CADM1: variants seen among roughly 807,000 people sequenced by gnomAD.
The protein encoded by CADM1 is TSLC-1.
A neutral mutation model predicts 53.1 loss-of-function variants in CADM1; 15 were observed. That is an observed-to-expected ratio of 0.28 (90% CI 0.19 to 0.44). CADM1 has a LOEUF of 0.44. CADM1 is among the 20% of genes least tolerant of loss of function. The probability of loss-of-function intolerance (pLI) is 1.00; values close to 1 mark genes in which losing one functional copy is unlikely to be tolerated. For missense variants in CADM1, 434 were observed against 611.3 expected, an observed-to-expected ratio of 0.71 and a Z score of 3.06; for synonymous variants, 281 against 243.0, an observed-to-expected ratio of 1.16 and a Z score of -1.45.
In CADM1 at chr11:115,218,046, A is replaced by C. The variant is rs1941261126; in HGVS notation, c.722-55T>G. 27 of 1,293,652 alleles carry C rather than the reference A, an allele frequency of 2.1e-5. No homozygotes were observed. The South Asian group carries it at 2.8e-4, about 13-fold the overall frequency. 80.1% of individuals were successfully genotyped at this position (1,293,652 alleles called of 1,614,324 possible). A position where few individuals can be genotyped will look rare whatever the true frequency, so the allele number is the denominator to read the frequency against. On this transcript the variant is annotated intron_variant, in intron 5 of 11. Coordinates refer to ENST00000331581, the MANE Select transcript of CADM1 (RefSeq NM_001301043.2). ...TTAGCAAATGATATCATCAGGCAAAATCAGACTCACACACTGCCTCAAAAC... is the reference window on the plus strand; with the variant it reads ...TTAGCAAATGATATCATCAGGCAAACTCAGACTCACACACTGCCTCAAAAC...
At chr11:115,458,141 C>G (rs1160336252) in intron 1 of CADM1, among the ~76,000 whole-genome samples, 3 of 143,846 alleles carry the variant, frequency 2.1e-5, no homozygotes, top group African/African-American at 7.8e-5. Context: ...CTCTCTCTCT[C>G]TAATTACACT....
At chr11:115,183,526 T>A (rs1317338105) in intron 10 of CADM1, among the ~76,000 whole-genome samples, 2 of 152,212 alleles carry the variant, frequency 1.3e-5, no homozygotes, top group African/African-American at 4.8e-5. Flanking sequence ...GAACCTTCAC[T>A]GCAACTGCTG....
intron 5 of CADM1, chr11:115,218,263 A>C (rs1047099164): frequency 6.9e-6 from 3 of 431,918 alleles, no homozygotes; most frequent in South Asian, 4.2e-5. Context: ...GTTACACTGA[A>C]GTTTATCTCC....
intron 1 of CADM1, among the ~76,000 whole-genome samples, chr11:115,495,995 T>C (rs1017295011): frequency 8.5e-5 from 13 of 152,200 alleles, no homozygotes; most frequent in African/African-American, 3.1e-4. Flanking sequence ...ACTTCACTTT[T>C]TGTCTGAAAG....
intron 10 of CADM1, among the ~76,000 whole-genome samples, chr11:115,181,554 A>G (rs1005557662): frequency 3.3e-5 from 5 of 152,222 alleles, no homozygotes; most frequent in African/African-American, 1.2e-4. Context: ...AGATGGACAC[A>G]GAAGGTAACT....
intron 1 of CADM1, among the ~76,000 whole-genome samples, chr11:115,253,087 A>T (rs1942658776): frequency 6.6e-6 from 1 of 152,174 alleles, no homozygotes; most frequent in Admixed American, 6.5e-5. Context: ...ATAAGGTTAA[A>T]CAAACAAACA....
At chr11:115,213,984 A>G (rs1022768919) in intron 7 of CADM1, among the ~76,000 whole-genome samples, 1 of 152,218 alleles carries the variant, frequency 6.6e-6, no homozygotes, top group African/African-American at 2.4e-5. Context: ...AATGTAGTAG[A>G]TGCTCAATAA....
intron 1 of CADM1, among the ~76,000 whole-genome samples, chr11:115,345,538 AT>A (rs991001963): frequency 6.6e-6 from 1 of 152,112 alleles, no homozygotes; most frequent in African/African-American, 2.4e-5. Flanking sequence ...AATAGCAATA[AT>A]TTTTTTAAAC....
At chr11:115,349,682 G>A (rs1410431771) in intron 1 of CADM1, among the ~76,000 whole-genome samples, 1 of 152,126 alleles carries the variant, frequency 6.6e-6, no homozygotes, top group Non-Finnish European at 1.5e-5. Context: ...ATCCAAAATA[G>A]CAAAAACTTG....
intron 7 of CADM1, 107 bp from the exon 8 acceptor site, chr11:115,209,764 T>TC (rs1197906110): frequency 7.2e-7 from 1 of 1,398,158 alleles, no homozygotes; most frequent in African/African-American, 1.4e-5. Flanking sequence ...TTTGATGGCT[T>TC]CCCCCTTTAA....
intron 5 of CADM1, among the ~76,000 whole-genome samples, chr11:115,221,094 G>A (rs1329773919): frequency 2.6e-5 from 4 of 152,200 alleles, no homozygotes; most frequent in African/African-American, 9.6e-5. Context: ...GGTGTTGTAA[G>A]GCATGAGGCC....
At chr11:115,359,746 G>C (rs542079863) in intron 1 of CADM1, among the ~76,000 whole-genome samples, 28 of 152,076 alleles carry the variant, frequency 1.8e-4, no homozygotes, top group Non-Finnish European at 2.8e-4. Context: ...AATTTATTTA[G>C]TTTAAATGTA....
At chr11:115,202,314 T>C (rs1047485380) in intron 8 of CADM1, among the ~76,000 whole-genome samples, 1 of 152,208 alleles carries the variant, frequency 6.6e-6, no homozygotes, top group East Asian at 1.9e-4. Context: ...GAATTGTTCA[T>C]TGAGTGTGAC....
rs138852617 is a variant in CADM1 at position 115,170,615 on chromosome 11, G to C, written c.*5859C>G. On this transcript the variant is annotated 3_prime_UTR_variant, in exon 12 of 12. Transcript: ENST00000331581. The stretch of plus-strand genomic sequence containing the variant: ...TGTTGGGTGGGGGGTGGTGGGGGGG[G>C]ACTGAATCCTGCAGTTCCTATTAGA... 4 of 147,606 alleles carry C rather than the reference G, an allele frequency of 2.7e-5. No homozygotes were observed. The highest frequency in any genetic ancestry group is 6.0e-5 in the Non-Finnish European group (4 of 66,994). The allele number at this position is 147,606 out of a possible 1,614,324, so 9.1% of individuals were successfully genotyped here. A position where few individuals can be genotyped will look rare whatever the true frequency, so the allele number is the denominator to read the frequency against.
intron 1 of CADM1, among the ~76,000 whole-genome samples, chr11:115,285,606 C>T (rs1170848059): frequency 6.6e-6 from 1 of 152,196 alleles, no homozygotes; most frequent in East Asian, 1.9e-4. Context: ...AAATTTAACA[C>T]TCACTGAGTG....
chr11:115,413,165 C>A (rs1591792352), intron 1 of CADM1, among the ~76,000 whole-genome samples: 1 of 152,290 alleles, frequency 6.6e-6, no homozygotes, highest in African/African-American at 2.4e-5. Flanking sequence ...GCATAAGAAG[C>A]ATTTAATACA....
At chr11:115,462,256 T>A (rs559941507) in intron 1 of CADM1, among the ~76,000 whole-genome samples, 1 of 152,174 alleles carries the variant, frequency 6.6e-6, no homozygotes, top group Non-Finnish European at 1.5e-5. Context: ...TAAATCGTGA[T>A]CTATTTCAGA....
chr11:115,220,707 T>C (rs902907120), intron 5 of CADM1, among the ~76,000 whole-genome samples: 3 of 150,932 alleles, frequency 2.0e-5, no homozygotes, highest in African/African-American at 7.3e-5. Flanking sequence ...AGAAGGTCTA[T>C]GTGCCGAGAT....
At chr11:115,391,917 C>T (rs1167921191) in intron 1 of CADM1, among the ~76,000 whole-genome samples, 3 of 152,068 alleles carry the variant, frequency 2.0e-5, no homozygotes, top group Non-Finnish European at 4.4e-5. Context: ...TTTAGCTATC[C>T]TAAAAAGGAG....
Sources: allele counts gnomAD v4.1 joint callset (sites outside exome capture counted in the v4.1 genomes callset), GRCh38; gene constraint gnomAD v4.1.1; transcripts MANE v1.5; gene names NCBI Gene and HGNC (gene_info 2026-07-23, HGNC 2026-07-21).